C1QTNF1: variants seen among roughly 807,000 people sequenced by gnomAD.
C1QTNF1 encodes complement C1q tumor necrosis factor-related protein 1.
In C1QTNF1, 22 loss-of-function variants were observed where a neutral mutation model predicts 27.8. That is an observed-to-expected ratio of 0.79 (90% CI 0.56 to 1.13). C1QTNF1 has a LOEUF of 1.13. Ranked by LOEUF, C1QTNF1 falls within the 50% of genes most tolerant of loss-of-function variation. C1QTNF1 has a pLI of 0.00. For synonymous variants in C1QTNF1, 166 were observed against 154.3 expected (o/e 1.08, Z -0.56); for missense variants, 373 against 380.2 (o/e 0.98, Z 0.16).
chr17:79,047,601 G>A lies in C1QTNF1; in HGVS notation c.359G>A (p.Gly120Glu), dbSNP rs764031936. Residue 120 changes from glycine to glutamate, a missense_variant, in exon 4 of 4, where the codon GGG (glycine) becomes GAG (glutamate). By Grantham distance (98) the Gly-to-Glu change is moderately conservative (BLOSUM62 -2). Transcript: ENST00000579760. ...QGKYGKTGSAGARGHTGPKGQ... is the reference protein window; with the variant it reads ...QGKYGKTGSAEARGHTGPKGQ... ...AAATATGGCAAAACAGGCTCAGCAG[G>A]GGCCAGGGGCCACACTGGACCCAAA... 1 of 1,555,784 alleles carries A rather than the reference G, an allele frequency of 6.4e-7. No individual in the cohort carries two copies. Among genetic ancestry groups the A allele is most frequent in the Non-Finnish European group, 8.7e-7 (1 of 1,151,638 alleles).
rs1335429424 is a variant in C1QTNF1, at chr17:79,048,485, AG to A, written c.*400del. ...AAGTAAACCGTGGAGGACAAAGAAAAGGGTTGTTATTTTTGTCTTTCCAGCC... is the reference window on the plus strand; with the variant it reads ...AAGTAAACCGTGGAGGACAAAGAAAAGGTTGTTATTTTTGTCTTTCCAGCC... On this transcript the variant is annotated 3_prime_UTR_variant, in exon 4 of 4. Transcript: ENST00000579760. 3 of 173,420 alleles carry A rather than the reference AG, an allele frequency of 1.7e-5. No homozygotes were observed. Among genetic ancestry groups the A allele is most frequent in the Non-Finnish European group, 3.6e-5 (3 of 82,676 alleles). 10.7% of individuals were successfully genotyped at this position (173,420 alleles called of 1,614,324 possible). A position where few individuals can be genotyped will look rare whatever the true frequency, so the allele number is the denominator to read the frequency against.
chr17:79,031,985 A>T (rs1223370249), intron 1 of C1QTNF1, among the ~76,000 whole-genome samples: 4 of 152,234 alleles, frequency 2.6e-5, no homozygotes, highest in Non-Finnish European at 5.9e-5. Flanking sequence ...TGGCTGAGGC[A>T]TGTCATCTTT....
chr17:79,046,944 G>C lies in C1QTNF1; in HGVS notation c.295+250G>C, dbSNP rs535464469. 5 of 539,350 alleles carry C rather than the reference G, an allele frequency of 9.3e-6. No individual in the cohort carries two copies. The South Asian group carries it at 1.3e-4, about 14-fold the overall frequency. 33.4% of individuals were successfully genotyped at this position (539,350 alleles called of 1,614,324 possible). The stretch of plus-strand genomic sequence containing the variant: ...CCAAGAGCAGGAGAGGGAGCCCAGA[G>C]GCTACTCGGGGTCTCGTCCCTCCAG... On this transcript the variant is annotated intron_variant, in intron 3 of 3. Coordinates refer to ENST00000579760, the MANE Select transcript of C1QTNF1 (RefSeq NM_030968.5). This position sits in a 1 kb window ranked among gnomAD's most constrained non-coding sequence, Gnocchi z 4.8.
chr17:79,042,217 C>A (rs563939263), intron 1 of C1QTNF1, among the ~76,000 whole-genome samples: 1 of 152,342 alleles, frequency 6.6e-6, no homozygotes, highest in African/African-American at 2.4e-5. Flanking sequence ...GGGAGGTTTT[C>A]GGCCCACCTG....
In C1QTNF1 at chr17:79,048,742, G is replaced by A. The variant is rs1234050093; in HGVS notation, c.*654G>A. On this transcript the variant is annotated 3_prime_UTR_variant, in exon 4 of 4. Coordinates refer to ENST00000579760, the MANE Select transcript of C1QTNF1 (RefSeq NM_030968.5). ...CTGAGTCACAGCTGCGAGGTGATGGGGGCTGGGGCCCCAGGCGTCAGCCTC... is the reference window on the plus strand; with the variant it reads ...CTGAGTCACAGCTGCGAGGTGATGGAGGCTGGGGCCCCAGGCGTCAGCCTC... 6.6e-6 allele frequency: 1 copy of A among 152,258 alleles called. No homozygotes were observed. The highest frequency in any genetic ancestry group is 1.5e-5 in the Non-Finnish European group (1 of 68,068). The allele number at this position is 152,258 out of a possible 1,614,324, so 9.4% of individuals were successfully genotyped here.
At chr17:79,041,515 C>T (rs954704627) in intron 1 of C1QTNF1, among the ~76,000 whole-genome samples, 2 of 152,150 alleles carry the variant, frequency 1.3e-5, no homozygotes, top group Non-Finnish European at 2.9e-5. Flanking sequence ...CCGTGGCTCA[C>T]GCCTGGAATC....
intron 1 of C1QTNF1, among the ~76,000 whole-genome samples, chr17:79,029,701 C>G (rs2072075327): frequency 6.6e-6 from 1 of 152,334 alleles, no homozygotes; most frequent in Non-Finnish European, 1.5e-5. Flanking sequence ...CTCAGGCAGC[C>G]TCCTTCAACA....
chr17:79,042,989 T>C (rs58124766), intron 1 of C1QTNF1, among the ~76,000 whole-genome samples: 6,943 of 152,208 alleles, frequency 0.046, 531 homozygotes, highest in African/African-American at 0.15. Flanking sequence ...AGTGTGCATG[T>C]GTGGATTGCA....
intron 1 of C1QTNF1, among the ~76,000 whole-genome samples, chr17:79,027,939 C>T (rs2072016839): frequency 6.6e-6 from 1 of 152,228 alleles, no homozygotes; most frequent in African/African-American, 2.4e-5. Flanking sequence ...GCTATCTTGC[C>T]TCTGAGGCCC....
intron 1 of C1QTNF1, among the ~76,000 whole-genome samples, chr17:79,034,776 CT>C (rs1352595475): frequency 2.6e-5 from 4 of 152,172 alleles, no homozygotes; most frequent in Admixed American, 2.0e-4. Context: ...ACAAACCCTC[CT>C]TCTGCAAGAC....
At chr17:79,043,366 A>C (rs2072471962) in intron 1 of C1QTNF1, 2 of 451,614 alleles carry the variant, frequency 4.4e-6, no homozygotes, top group South Asian at 3.1e-5. Flanking sequence ...GTGTGAGTGC[A>C]TGTGTGTGGA....
At chr17:79,034,930 G>T (rs991412203) in intron 1 of C1QTNF1, among the ~76,000 whole-genome samples, 5 of 152,164 alleles carry the variant, frequency 3.3e-5, no homozygotes, top group African/African-American at 7.2e-5. Context: ...CCACCACGAG[G>T]TTGAGGGAAA....
At chr17:79,038,283 C>A (rs1317399334) in intron 1 of C1QTNF1, among the ~76,000 whole-genome samples, 1 of 152,228 alleles carries the variant, frequency 6.6e-6, no homozygotes, top group Admixed American at 6.5e-5. Context: ...AGCCACCGCG[C>A]CCGGCCGGGA....
chr17:79,042,518 T>C (rs1277866629), intron 1 of C1QTNF1, among the ~76,000 whole-genome samples: 4 of 152,216 alleles, frequency 2.6e-5, no homozygotes, highest in South Asian at 2.1e-4. Flanking sequence ...CTAAAGTAGA[T>C]GCCAAGGACA....
At chr17:79,023,345 T>C (rs999869824), upstream of C1QTNF1, among the ~76,000 whole-genome samples, 1 of 152,176 alleles carries the variant, frequency 6.6e-6, no homozygotes, top group African/African-American at 2.4e-5. Context: ...ATATGGTAAG[T>C]TTCCAGAGCA....
intron 2 of C1QTNF1, among the ~76,000 whole-genome samples, chr17:79,045,662 A>G (rs1243350308): frequency 6.6e-6 from 1 of 152,192 alleles, no homozygotes; most frequent in Non-Finnish European, 1.5e-5. Context: ...TGTTGATGCC[A>G]GGAACAGAGC....
chr17:79,031,999 C>T (rs182054339), intron 1 of C1QTNF1, among the ~76,000 whole-genome samples: 128 of 152,288 alleles, frequency 8.4e-4, no homozygotes, highest in African/African-American at 2.9e-3. Context: ...CATCTTTGGA[C>T]GATGGCTCTG....
rs368224277 is a variant in C1QTNF1, at chr17:79,047,989, C to T, written c.747C>T (p.Arg249=). 2.5e-6 allele frequency: 4 copies of T among 1,613,178 alleles called. No homozygotes were observed. Among genetic ancestry groups the T allele is most frequent in the Middle Eastern group, 1.7e-4 (1 of 6,058 alleles). ...GAGAGCAGGACCAGGTGTGGGTACG[C>T]CTCTACAAGGGCGAACGTGAGAACG... ...ELREQDQVWV[R]LYKGERENAI... is the part of the protein sequence containing the mutation. The change falls in exon 4 of 4, where the codon CGC becomes CGT. Residue 249 remains arginine (R), a synonymous_variant. Transcript: ENST00000579760.
At chr17:79,028,070 C>A in intron 1 of C1QTNF1, among the ~76,000 whole-genome samples, 1 of 152,220 alleles carries the variant, frequency 6.6e-6, no homozygotes, top group Non-Finnish European at 1.5e-5. Context: ...GGTGTCTGCC[C>A]ATCTCCCTGG....
Sources: allele counts gnomAD v4.1 joint callset (sites outside exome capture counted in the v4.1 genomes callset), GRCh38; gene constraint gnomAD v4.1.1; non-coding constraint Gnocchi (gnomAD v3.1); transcripts MANE v1.5; gene names NCBI Gene and HGNC (gene_info 2026-07-23, HGNC 2026-07-21).